Variants in SNAP91 observed in about 807,000 individuals in gnomAD.
SNAP91 encodes synaptosome associated protein 91.
Under a neutral mutation model 100.3 loss-of-function variants are expected in SNAP91, and 27 were observed. The observed-to-expected ratio is 0.27, with a 90% confidence interval of 0.20 to 0.37. The LOEUF is 0.37. Ranked by LOEUF, SNAP91 falls within the 10% of genes least tolerant of loss-of-function variation. The pLI, the probability that SNAP91 is intolerant of heterozygous loss-of-function variation, is 1.00. For synonymous variants in SNAP91, 404 were observed against 398.6 expected (o/e 1.01, Z -0.16); for missense variants, 986 against 1,123.7 (o/e 0.88, Z 1.75).
chr6:83,663,092 A>G (rs1024348336), intron 3 of SNAP91, among the ~76,000 whole-genome samples: 1 of 152,178 alleles, frequency 6.6e-6, no homozygotes, highest in Non-Finnish European at 1.5e-5. Flanking sequence ...AACTGTGCCC[A>G]TAAATGATGG....
intron 2 of SNAP91, among the ~76,000 whole-genome samples, chr6:83,699,912 TAC>T: frequency 6.6e-6 from 1 of 152,284 alleles, no homozygotes; most frequent in East Asian, 1.9e-4. Flanking sequence ...TATATACAGA[TAC>T]ACTGTCCTCA....
intron 9 of SNAP91, among the ~76,000 whole-genome samples, chr6:83,618,329 A>C (rs1196040421): frequency 6.6e-6 from 1 of 151,856 alleles, no homozygotes; most frequent in African/African-American, 2.4e-5. Flanking sequence ...TAAGATAGAA[A>C]GGAACAGCCC....
chr6:83,582,169 T>A lies in SNAP91; in HGVS notation c.2149+53A>T, dbSNP rs1209945307. ...ATAGCATACTAACCTTAGGTAGTAC[T>A]TTTTTTTATTACCAGGACACATGAA... is the stretch of plus-strand genomic sequence containing the variant. On this transcript the variant is annotated intron_variant, in intron 23 of 29. Coordinates refer to ENST00000369694, the MANE Select transcript of SNAP91 (RefSeq NM_001242792.2). 7.1e-6 allele frequency: 11 copies of A among 1,555,670 alleles called. No individual in the cohort carries two copies. The East Asian group carries it at 2.3e-4, about 32-fold the overall frequency.
intron 7 of SNAP91, among the ~76,000 whole-genome samples, chr6:83,650,364 T>C (rs1451247289): frequency 6.6e-6 from 1 of 152,214 alleles, no homozygotes; most frequent in Admixed American, 6.5e-5. Context: ...TAATACAAGA[T>C]ACAGGCAGAT....
At chr6:83,625,179 T>C (rs2096884388) in intron 8 of SNAP91, among the ~76,000 whole-genome samples, 1 of 152,162 alleles carries the variant, frequency 6.6e-6, no homozygotes, top group African/African-American at 2.4e-5. Context: ...CTTACGATAA[T>C]GGCCCCCAGC....
intron 2 of SNAP91, among the ~76,000 whole-genome samples, chr6:83,692,234 AT>A (rs539777417): frequency 3.3e-5 from 5 of 152,206 alleles, no homozygotes; most frequent in African/African-American, 4.8e-5. Flanking sequence ...TGTTACTGCC[AT>A]TTTTAACAAA....
At chr6:83,665,413 A>AAAAAAG in intron 3 of SNAP91, 26 bp downstream of exon 3, 1 of 1,601,744 alleles carries the variant, frequency 6.2e-7, no homozygotes. Context: ...TCCTCCATCA[A>AAAAAAG]AAAAAGAAAA....
intron 22 of SNAP91, among the ~76,000 whole-genome samples, chr6:83,587,478 G>T (rs1229551306): frequency 6.6e-6 from 1 of 151,874 alleles, no homozygotes; most frequent in Non-Finnish European, 1.5e-5. Context: ...TGCTATGTAT[G>T]ACTAGGCTCA....
Position 83,592,556 on chromosome 6 carries a change from C to G in SNAP91, c.1847-18G>C, listed in dbSNP as rs2093915936. On this transcript the variant is annotated intron_variant, in intron 20 of 29. Coordinates refer to ENST00000369694, the MANE Select transcript of SNAP91 (RefSeq NM_001242792.2). ...TGCATCCACTGCAGTGAAGCACAGA[C>G]AGGAAAAAGTGCATGTCACCCAAGG... 2 of 1,590,890 alleles carry G rather than the reference C, an allele frequency of 1.3e-6. No homozygotes were observed. Among genetic ancestry groups the G allele is most frequent in the East Asian group, 4.5e-5 (2 of 44,036 alleles).
intron 16 of SNAP91, 105 bp from the exon 17 acceptor site, chr6:83,594,586 T>C (rs1245603545): frequency 1.5e-6 from 1 of 683,390 alleles, no homozygotes. Context: ...TTATACAACA[T>C]GAATTTTTAA....
chr6:83,705,215 GA>G (rs753870650), intron 2 of SNAP91, among the ~76,000 whole-genome samples: 31 of 152,150 alleles, frequency 2.0e-4, no homozygotes, highest in Non-Finnish European at 3.7e-4. Context: ...ACATTAAAAA[GA>G]AAAACCACTA....
At chr6:83,588,811 G>A (rs1377058880) in intron 22 of SNAP91, among the ~76,000 whole-genome samples, 4 of 152,140 alleles carry the variant, frequency 2.6e-5, no homozygotes, top group African/African-American at 7.2e-5. Flanking sequence ...TTCTAGCCTT[G>A]GAGGACACAG....
intron 14 of SNAP91, among the ~76,000 whole-genome samples, chr6:83,601,914 G>C (rs547341292): frequency 2.0e-5 from 3 of 152,142 alleles, no homozygotes; most frequent in Admixed American, 6.5e-5. Flanking sequence ...AGAGTCATAT[G>C]ATCACATAAT....
chr6:83,689,991 T>C (rs1011288576), intron 2 of SNAP91, among the ~76,000 whole-genome samples: 1 of 152,120 alleles, frequency 6.6e-6, no homozygotes, highest in Non-Finnish European at 1.5e-5. Context: ...TTTTTCTCAT[T>C]TTATAAATTA....
At chr6:83,668,472 C>T (rs952890209) in intron 2 of SNAP91, among the ~76,000 whole-genome samples, 4 of 152,110 alleles carry the variant, frequency 2.6e-5, no homozygotes, top group Non-Finnish European at 2.9e-5. Flanking sequence ...AAATGTGGCA[C>T]ATATACACCA....
At chr6:83,679,503 AT>A in intron 2 of SNAP91, among the ~76,000 whole-genome samples, 1 of 151,872 alleles carries the variant, frequency 6.6e-6, no homozygotes. Flanking sequence ...AGAAAGGCAA[AT>A]TTTTCAGTAG....
intron 1 of SNAP91, chr6:83,708,501 A>G (rs905895606): frequency 6.6e-6 from 1 of 152,392 alleles, no homozygotes; most frequent in Non-Finnish European, 1.5e-5. Flanking sequence ...AGATTATCCT[A>G]GCGTTGCGCC....
rs768806817 is a variant in SNAP91, at chr6:83,556,196, G to T, written c.2681C>A (p.Ala894Glu). The part of the protein sequence containing the change: ...PASQSPKKPP[A>E]KDPLADLNIK... ...GTTAAGATCCGCTAATGGGTCCTTT[G>T]CTGGAGGTTTCTTGGGACTCTGACT... The change falls in exon 29 of 30, where the codon GCA (alanine) becomes GAA (glutamate). Residue 894 changes from alanine to glutamate, a missense_variant. Transcript: ENST00000369694. 6.3e-7 allele frequency: 1 copy of T among 1,577,020 alleles called. No homozygotes were observed. The highest frequency in any genetic ancestry group is 8.6e-7 in the Non-Finnish European group (1 of 1,161,132).
chr6:83,688,534 T>C (rs1234312229), intron 2 of SNAP91, among the ~76,000 whole-genome samples: 1 of 149,630 alleles, frequency 6.7e-6, no homozygotes, highest in Non-Finnish European at 1.5e-5. Flanking sequence ...AGATTGAGTC[T>C]TGCTCTGTTG....
Sources: allele counts gnomAD v4.1 joint callset (sites outside exome capture counted in the v4.1 genomes callset), GRCh38; gene constraint gnomAD v4.1.1; transcripts MANE v1.5; gene names NCBI Gene and HGNC (gene_info 2026-07-23, HGNC 2026-07-21).